Variants in CCDC102B observed in about 807,000 individuals in gnomAD.
The protein encoded by CCDC102B is coiled-coil domain-containing protein 102B.
Under a neutral mutation model 57.4 loss-of-function variants are expected in CCDC102B, and 75 were observed. The observed-to-expected ratio is 1.31, with a 90% CI of 1.08 to 1.58. CCDC102B has a LOEUF of 1.58. CCDC102B is among the 40% of genes most tolerant of loss of function. The pLI, the probability that CCDC102B is intolerant of heterozygous loss-of-function variation, is 0.00. For missense variants in CCDC102B, 636 were observed against 582.6 expected, an observed-to-expected ratio of 1.09 and a Z score of -0.94; for synonymous variants, 206 against 201.9, an observed-to-expected ratio of 1.02 and a Z score of -0.17.
chr18:69,043,609 C>T (rs946619881), intron 7 of CCDC102B, among the ~76,000 whole-genome samples: 1 of 152,088 alleles, frequency 6.6e-6, no homozygotes, highest in Admixed American at 6.6e-5. Context: ...CTTTGTTTAA[C>T]AAAGCACATC....
At chr18:68,933,267 A>G (rs2041739612) in intron 6 of CCDC102B, among the ~76,000 whole-genome samples, 1 of 151,874 alleles carries the variant, frequency 6.6e-6, no homozygotes, top group African/African-American at 2.4e-5. Context: ...TTTATCCACA[A>G]CCTTGTAATA....
chr18:68,730,941 T>A (rs146127011), intron 2 of CCDC102B, among the ~76,000 whole-genome samples: 158 of 152,276 alleles, frequency 1.0e-3, no homozygotes, highest in African/African-American at 3.7e-3. Context: ...AATTAATATT[T>A]ATTTGGGCTG....
intron 7 of CCDC102B, among the ~76,000 whole-genome samples, chr18:69,040,846 C>T (rs2052416792): frequency 6.6e-6 from 1 of 151,948 alleles, no homozygotes; most frequent in African/African-American, 2.4e-5. Flanking sequence ...TAAATGTTAT[C>T]AATATCAGTA....
chr18:69,044,861 G>A (rs1252637820), intron 7 of CCDC102B, among the ~76,000 whole-genome samples: 3 of 152,134 alleles, frequency 2.0e-5, no homozygotes, highest in Non-Finnish European at 2.9e-5. Context: ...ACCACAAATT[G>A]AGTAGCTTAA....
intron 6 of CCDC102B, among the ~76,000 whole-genome samples, chr18:68,907,251 T>C (rs1253673811): frequency 6.6e-6 from 1 of 152,168 alleles, no homozygotes; most frequent in East Asian, 1.9e-4. Flanking sequence ...ATTTCAACTT[T>C]GCTCTTTTTC....
intron 2 of CCDC102B, among the ~76,000 whole-genome samples, chr18:68,741,667 T>TCACACACACACACA (rs60407642): frequency 2.3e-4 from 32 of 140,368 alleles, no homozygotes; most frequent in African/African-American, 8.5e-4. Context: ...TGAAGACTGG[T>TCACACACACACACA]CACACACACA....
chr18:68,899,572 G>T (rs1366241276), intron 6 of CCDC102B, among the ~76,000 whole-genome samples: 1 of 151,942 alleles, frequency 6.6e-6, no homozygotes, highest in Non-Finnish European at 1.5e-5. Flanking sequence ...GTCTCTAAAA[G>T]AAATATAAGA....
rs192848300 is a variant in CCDC102B, at chr18:69,013,229, A to G, written c.1434+2125A>G. 3.3e-5 allele frequency among the ~76,000 whole-genome samples: 5 copies of G among 150,588 alleles called. No individual in the cohort carries two copies. In the East Asian group the frequency reaches 9.7e-4, roughly 29 times the overall value. On this transcript the variant is annotated intron_variant, in intron 7 of 7. Coordinates refer to ENST00000360242, the MANE Select transcript of CCDC102B (RefSeq NM_024781.3). ...ATGAAATCATGCCTTTTGCAACAAC[A>G]TAGATGAAGCTGGAGGCCATTTTTT...
rs998015515 is a variant in CCDC102B, at chr18:69,054,562, G to A, written c.*425G>A. On this transcript the variant is annotated 3_prime_UTR_variant, in exon 8 of 8. Coordinates refer to ENST00000360242, the MANE Select transcript of CCDC102B (RefSeq NM_024781.3). The stretch of plus-strand genomic sequence containing the variant: ...ATTGGTAAACTTTTATGTACGTGTT[G>A]TCTATGTGGTGGGGATGGCAGGTTG... 3.0e-6 allele frequency: 3 copies of A among 988,456 alleles called. No homozygotes were observed. Among genetic ancestry groups the A allele is most frequent in the Non-Finnish European group, 3.6e-6 (3 of 832,272 alleles). The allele number at this position is 988,456 out of a possible 1,614,324, so 61.2% of individuals were successfully genotyped here.
At chr18:68,911,553 C>G (rs193269791) in intron 6 of CCDC102B, among the ~76,000 whole-genome samples, 24 of 149,842 alleles carry the variant, frequency 1.6e-4, no homozygotes, top group African/African-American at 4.2e-4. Flanking sequence ...GAGATCGAGA[C>G]CATCCTGGCT....
intron 7 of CCDC102B, among the ~76,000 whole-genome samples, chr18:69,031,363 T>C (rs2052139077): frequency 6.6e-6 from 1 of 152,106 alleles, no homozygotes; most frequent in African/African-American, 2.4e-5. Flanking sequence ...ATCATAAAAC[T>C]TACTTATTTT....
intron 7 of CCDC102B, among the ~76,000 whole-genome samples, chr18:69,035,565 A>G (rs187850973): frequency 3.4e-4 from 52 of 152,244 alleles, no homozygotes; most frequent in Admixed American, 3.1e-3. Context: ...AAATACATGT[A>G]GAATCATGTA....
Position 68,790,393 on chromosome 18 carries a change from G to T in CCDC102B, c.-66-32973G>T, listed in dbSNP as rs370255225. On this transcript the variant is annotated intron_variant, in intron 2 of 3. Transcript: ENST00000578970. The stretch of plus-strand genomic sequence containing the variant: ...CTTCTGGGCTGCTTTGTTTACCTAA[G>T]CAAGCCTGGGCAATGGCGGGCGCCC... Among the ~76,000 whole-genome samples the T allele has an allele frequency of 1.8e-3, 275 of 152,090 alleles. 3 individuals are homozygous for T. In the South Asian group the frequency reaches 0.019, roughly 11 times the overall value.
At chr18:68,836,720 G>A (rs1294945831) in intron 1 of CCDC102B, 29 bp from the exon 2 acceptor site, 7 of 1,534,094 alleles carry the variant, frequency 4.6e-6, no homozygotes, top group East Asian at 4.6e-5. Flanking sequence ...AAATTTCAGC[G>A]TGAAATTATG....
At chr18:68,925,715 A>G (rs777811593) in intron 6 of CCDC102B, among the ~76,000 whole-genome samples, 25 of 151,944 alleles carry the variant, frequency 1.6e-4, no homozygotes, top group Non-Finnish European at 2.8e-4. Flanking sequence ...AAAGTGGAAG[A>G]TGTTATTTTC....
At chr18:68,778,113 G>A (rs1031181653) in intron 2 of CCDC102B, among the ~76,000 whole-genome samples, 2 of 152,214 alleles carry the variant, frequency 1.3e-5, no homozygotes, top group East Asian at 1.9e-4. Flanking sequence ...CTTTATGACC[G>A]TCAGATGTGC....
rs1455150983 is a variant in CCDC102B, at chr18:68,857,198, TATATA to T, written c.936+10783_936+10787del. The stretch of plus-strand genomic sequence containing the variant: ...ATATAAAAATATATTTATATATTTT[TATATA>T]ATATATAAAAATATATTTATATATT... On this transcript the variant is annotated intron_variant, in intron 4 of 7. Transcript: ENST00000360242. Among the ~76,000 whole-genome samples the T allele has an allele frequency of 8.0e-3, 464 of 57,704 alleles. 63 individuals are homozygous for T. The highest frequency in any genetic ancestry group is 0.038 in the African/African-American group (391 of 10,346). The allele number at this position is 57,704 out of a possible 152,430, so 37.9% of individuals were successfully genotyped here.
intron 5 of CCDC102B, among the ~76,000 whole-genome samples, chr18:68,878,450 T>G (rs1044461451): frequency 6.6e-6 from 1 of 152,188 alleles, no homozygotes; most frequent in Non-Finnish European, 1.5e-5. Flanking sequence ...TAGTATGGTC[T>G]GAATGTGTGT....
At chr18:68,795,115 A>G (rs142374873), upstream of CCDC102B, among the ~76,000 whole-genome samples, 296 of 152,094 alleles carry the variant, frequency 1.9e-3, 3 homozygotes, top group East Asian at 0.038. Context: ...TTCAGGTTTT[A>G]ATGTAAAGAC....
Sources: gnomAD v4.1 joint callset for allele counts (sites outside exome capture counted in the v4.1 genomes callset) on GRCh38, gnomAD v4.1.1 for gene constraint, MANE v1.5 for transcripts, NCBI Gene and HGNC (gene_info 2026-07-23, HGNC 2026-07-21) for gene names.